FSIP1: variants seen among roughly 807,000 people sequenced by gnomAD.
The protein encoded by FSIP1 is fibrous sheath interacting protein 1, also known as fibrous sheath-interacting protein 1.
A neutral mutation model predicts 60.9 loss-of-function variants in FSIP1; 65 were observed. The ratio of observed to expected loss-of-function variants is 1.07; its 90% CI spans 0.87 to 1.31. FSIP1 has a LOEUF of 1.31. Among genes scored for constraint, FSIP1 ranks in the 40% most tolerant of loss-of-function variants. FSIP1 has a pLI of 0.00. For synonymous variants in FSIP1, 209 were observed against 221.2 expected (o/e 0.94, Z 0.49); for missense variants, 675 against 665.5 (o/e 1.01, Z -0.16).
At chr15:39,608,937 C>T (rs1890923070) in intron 11 of FSIP1, among the ~76,000 whole-genome samples, 1 of 152,170 alleles carries the variant, frequency 6.6e-6, no homozygotes, top group South Asian at 2.1e-4. Flanking sequence ...ACCACTCCCC[C>T]AAACCCTGCC....
intron 5 of FSIP1, among the ~76,000 whole-genome samples, chr15:39,757,895 T>A (rs913808215): frequency 9.9e-5 from 15 of 152,144 alleles, no homozygotes; most frequent in Non-Finnish European, 1.6e-4. Flanking sequence ...TACTTTTGCA[T>A]CTTACCTGCT....
intron 9 of FSIP1, among the ~76,000 whole-genome samples, chr15:39,717,180 T>C (rs1895775092): frequency 1.3e-5 from 2 of 152,146 alleles, no homozygotes; most frequent in African/African-American, 2.4e-5. Flanking sequence ...TATGAATTTA[T>C]CAAAAAGAAA....
intron 9 of FSIP1, among the ~76,000 whole-genome samples, chr15:39,721,231 T>G (rs1048259154): frequency 6.6e-6 from 1 of 152,226 alleles, no homozygotes; most frequent in Non-Finnish European, 1.5e-5. Flanking sequence ...ATTTATCATC[T>G]TAAATCTATA....
intron 10 of FSIP1, among the ~76,000 whole-genome samples, chr15:39,666,256 G>A (rs1017123314): frequency 1.3e-5 from 2 of 152,094 alleles, no homozygotes; most frequent in South Asian, 2.1e-4. Flanking sequence ...ATGGCAGAAT[G>A]GCATATTCAA....
intron 2 of FSIP1, among the ~76,000 whole-genome samples, chr15:39,771,372 T>C (rs193199555): frequency 2.6e-5 from 4 of 152,290 alleles, no homozygotes; most frequent in African/African-American, 7.2e-5. Context: ...CTCCAGCCCA[T>C]CTGCTCTCAG....
At chr15:39,648,624 T>C (rs1048126526) in intron 10 of FSIP1, among the ~76,000 whole-genome samples, 3 of 152,202 alleles carry the variant, frequency 2.0e-5, no homozygotes, top group Admixed American at 6.5e-5. Flanking sequence ...TTTAAAATTA[T>C]AGTGATGTAA....
intron 10 of FSIP1, among the ~76,000 whole-genome samples, chr15:39,659,173 A>T (rs1893188698): frequency 6.6e-6 from 1 of 152,182 alleles, no homozygotes; most frequent in African/African-American, 2.4e-5. Flanking sequence ...GCTAATGGAT[A>T]TAAGGTTTCT....
chr15:39,736,361 G>A (rs1303422408), intron 8 of FSIP1, among the ~76,000 whole-genome samples: 2 of 152,218 alleles, frequency 1.3e-5, no homozygotes, highest in African/African-American at 2.4e-5. Flanking sequence ...GGATTATTTA[G>A]AGGATTATTA....
chr15:39,721,275 C>CCAT (rs1401437906), intron 9 of FSIP1, among the ~76,000 whole-genome samples: 6 of 152,212 alleles, frequency 3.9e-5, no homozygotes, highest in Non-Finnish European at 5.9e-5. Context: ...AGTTACCATA[C>CCAT]AGAGATAAGT....
At chr15:39,744,605 C>T (rs1896923289) in intron 5 of FSIP1, among the ~76,000 whole-genome samples, 1 of 152,122 alleles carries the variant, frequency 6.6e-6, no homozygotes, top group South Asian at 2.1e-4. Context: ...CTCTGCCTCA[C>T]TGTACACCTG....
intron 9 of FSIP1, among the ~76,000 whole-genome samples, chr15:39,720,506 A>T (rs1895912138): frequency 6.6e-6 from 1 of 152,196 alleles, no homozygotes; most frequent in Non-Finnish European, 1.5e-5. Flanking sequence ...ACCAGAAAAA[A>T]AATCTAACGG....
intron 10 of FSIP1, among the ~76,000 whole-genome samples, chr15:39,695,307 C>T (rs1028814693): frequency 1.3e-5 from 2 of 151,640 alleles, no homozygotes; most frequent in African/African-American, 4.8e-5. Context: ...ATCTGTACCC[C>T]GTGGCACCCA....
chr15:39,774,918 T>A (rs1898003775), intron 2 of FSIP1, among the ~76,000 whole-genome samples: 2 of 152,204 alleles, frequency 1.3e-5, no homozygotes, highest in African/African-American at 4.8e-5. Context: ...TGAGAACCCA[T>A]AATCCAGGTA....
intron 10 of FSIP1, among the ~76,000 whole-genome samples, chr15:39,692,784 A>C (rs1894654778): frequency 1.3e-5 from 2 of 152,194 alleles, no homozygotes; most frequent in Non-Finnish European, 2.9e-5. Context: ...AAAGAAGAAG[A>C]AAAAAGAATG....
chr15:39,714,384 T>C (rs947592912), intron 9 of FSIP1, among the ~76,000 whole-genome samples: 1 of 151,852 alleles, frequency 6.6e-6, no homozygotes, highest in Non-Finnish European at 1.5e-5. Flanking sequence ...CACATACATC[T>C]GCTCTGTGTT....
At chr15:39,660,878 A>C (rs768143926) in intron 10 of FSIP1, among the ~76,000 whole-genome samples, 8 of 152,014 alleles carry the variant, frequency 5.3e-5, no homozygotes, top group Non-Finnish European at 1.2e-4. Context: ...GCCTGGTCAA[A>C]ATGGTGAAAC....
At position 39,776,411 on chromosome 15, in the gene FSIP1, TG is replaced by T; in HGVS notation, c.113del (p.Pro38GlnfsTer12). On this transcript the variant is annotated frameshift_variant, in exon 2 of 12. Coordinates refer to ENST00000350221, the MANE Select transcript of FSIP1 (RefSeq NM_152597.5). LOFTEE classifies it high-confidence loss of function. Reference sequence around the variant, plus strand: ...AAACGTAAATTACCTTGAAGGATCCTGGTTCTGTTGAGAGCACCTCCAAAGA... The same window carrying T: ...AAACGTAAATTACCTTGAAGGATCCTGTTCTGTTGAGAGCACCTCCAAAGA... Reference protein sequence around the residue: ...NASLEVLSTEPGSFKVDTASN... With the variant: ...NASLEVLSTEXGSFKVDTASN... 6.2e-7 allele frequency: 1 copy of T among 1,613,392 alleles called. No homozygotes were observed. Among genetic ancestry groups the T allele is most frequent in the Non-Finnish European group, 8.5e-7 (1 of 1,179,744 alleles).
chr15:39,637,667 G>A (rs769021524), intron 10 of FSIP1, among the ~76,000 whole-genome samples: 19 of 152,178 alleles, frequency 1.2e-4, no homozygotes, highest in Non-Finnish European at 2.4e-4. Context: ...TGTAGCCAAG[G>A]TGGCTGTGAT....
intron 8 of FSIP1, 35 bp from the exon 9 acceptor site, chr15:39,726,782 G>T: frequency 1.9e-6 from 3 of 1,599,206 alleles, no homozygotes; most frequent in South Asian, 1.1e-5. Context: ...GTCATTCTCA[G>T]GCTATATTTT....
Sources: gnomAD v4.1 joint callset for allele counts (sites outside exome capture counted in the v4.1 genomes callset) on GRCh38, gnomAD v4.1.1 for gene constraint, MANE v1.5 for transcripts, NCBI Gene and HGNC (gene_info 2026-07-23, HGNC 2026-07-21) for gene names.